PPL: variants seen among roughly 807,000 people sequenced by gnomAD.
The protein encoded by PPL is periplakin.
Under a neutral mutation model 194.4 loss-of-function variants are expected in PPL, and 198 were observed. The observed-to-expected ratio is 1.02, with a 90% CI of 0.91 to 1.15. PPL has a LOEUF of 1.15. Ranked by LOEUF, PPL falls within the 50% of genes most tolerant of loss-of-function variation. The pLI is 0.00. For missense variants in PPL, 2,885 were observed against 2,294.8 expected, an observed-to-expected ratio of 1.26 and a Z score of -5.25; for synonymous variants, 1,220 against 972.4, an observed-to-expected ratio of 1.25 and a Z score of -4.74.
intron 14 of PPL, 111 bp downstream of exon 14, chr16:4,893,102 C>T: frequency 3.8e-6 from 5 of 1,331,722 alleles, no homozygotes; most frequent in Non-Finnish European, 4.9e-6. Flanking sequence ...CCCTGACAGA[C>T]AGCTGCAGTG....
At position 4,900,861 on chromosome 16, in the gene PPL, C is replaced by A. The variant is rs767203015; in HGVS notation, c.575G>T (p.Ser192Ile). 6.2e-7 allele frequency: 1 copy of A among 1,614,152 alleles called. No individual in the cohort carries two copies. The highest frequency in any genetic ancestry group is 1.7e-5 in the Admixed American group (1 of 60,030). The stretch of plus-strand genomic sequence containing the variant: ...TTTCTGGTACTTGGCCCGGAGTTCG[C>A]TGTTCTGCTCCTGAGGACAGAGCCG... ...LAKDGDKEQN[S>I]ELRAKYQKLL... is the part of the protein sequence containing the mutation. Residue 192 changes from serine (S) to isoleucine (I), a missense_variant, in exon 6 of 22, where the codon AGC (serine) becomes ATC (isoleucine). Coordinates refer to ENST00000345988, the MANE Select transcript of PPL (RefSeq NM_002705.5).
At position 4,895,378 on chromosome 16, in the gene PPL, C is replaced by T. The variant is rs767807975; in HGVS notation, c.1125G>A (p.Glu375=). ...GCTTCTGCAGCCCCTGCACCACGTCCTCATACTTGTCCAGCACCTTCTCCT... is the reference window on the plus strand; with the variant it reads ...GCTTCTGCAGCCCCTGCACCACGTCTTCATACTTGTCCAGCACCTTCTCCT... ...DDQEKVLDKY[E]DVVQGLQKRG... is the part of the protein sequence containing the mutation. Residue 375 remains glutamate (E), a synonymous_variant, in exon 11 of 22, where the codon GAG becomes GAA. Transcript: ENST00000345988. 10 of 1,613,316 alleles carry T rather than the reference C, an allele frequency of 6.2e-6. No individual in the cohort carries two copies. The highest frequency in any genetic ancestry group is 1.3e-5 in the African/African-American group (1 of 74,940).
chr16:4,902,605 C>T lies in PPL; in HGVS notation c.318-79G>A, dbSNP rs1031153789. ...CAGGAGGGGCCCCCCACCCAGACCC[C>T]GGCCTCAGTGTCCTGGAAGGACACA... On this transcript the variant is annotated intron_variant, in intron 3 of 21. Transcript: ENST00000345988. This position sits in a 1 kb window ranked among gnomAD's most constrained non-coding sequence, Gnocchi z 4.0. 13 of 1,527,184 alleles carry T rather than the reference C, an allele frequency of 8.5e-6. No individual in the cohort carries two copies. The highest frequency in any genetic ancestry group is 2.5e-5 in the South Asian group (2 of 79,402). The allele number at this position is 1,527,184 out of a possible 1,614,324, so 94.6% of individuals were successfully genotyped here. A position where few individuals can be genotyped will look rare whatever the true frequency, so the allele number is the denominator to read the frequency against.
At chr16:4,895,185 G>A (rs1288311153) in intron 11 of PPL, 76 bp downstream of exon 11, 10 of 1,477,120 alleles carry the variant, frequency 6.8e-6, no homozygotes, top group South Asian at 1.4e-5. Flanking sequence ...TGAGAACGGC[G>A]CCTGAGGCCC....
chr16:4,909,908 G>T (rs2088785131), intron 2 of PPL, among the ~76,000 whole-genome samples: 1 of 152,176 alleles, frequency 6.6e-6, no homozygotes, highest in South Asian at 2.1e-4. Context: ...ATGTAACTGG[G>T]CATCTCATAT....
chr16:4,893,739 GC>G (rs1218387490), intron 12 of PPL, 101 bp from the exon 13 acceptor site: 3 of 933,814 alleles, frequency 3.2e-6, no homozygotes, highest in Non-Finnish European at 3.2e-6. Flanking sequence ...CCCCAGAGGA[GC>G]CTGACAGCTC....
In PPL at chr16:4,893,356, G is replaced by A; in HGVS notation, c.1507C>T (p.Gln503Ter). ...TENPGDASDL[Q>*]GRQLLAGLDK... ...AAGCCAGCCAGCAGCTGCCGCCCCTGTAGGTCAGAGGCATCTGTGGAGGGA... is the reference window on the plus strand; with the variant it reads ...AAGCCAGCCAGCAGCTGCCGCCCCTATAGGTCAGAGGCATCTGTGGAGGGA... Residue 503 changes from glutamine (Q) to a stop codon, truncating the protein, a stop_gained, in exon 14 of 22, where the codon CAG becomes TAG. Transcript: ENST00000345988. LOFTEE classifies it high-confidence loss of function. The A allele has an allele frequency of 1.2e-6, 2 of 1,607,396 alleles. No individual in the cohort carries two copies. Among genetic ancestry groups the A allele is most frequent in the Non-Finnish European group, 1.7e-6 (2 of 1,179,786 alleles).
intron 8 of PPL, 40 bp downstream of exon 8, chr16:4,898,973 G>A (rs2088486961): frequency 1.9e-6 from 3 of 1,574,250 alleles, no homozygotes; most frequent in Non-Finnish European, 1.7e-6. Context: ...CCAACCAGAA[G>A]CCACCCTGGG....
rs564557037 is a variant in PPL at position 4,902,253 on chromosome 16, C to T, written c.438+153G>A. Reference sequence around the variant, plus strand: ...TCGTGCTGCACTTCTCTGAGCCTCACTCTTCTCATGGGCACACTGGAAAAC... The same window carrying T: ...TCGTGCTGCACTTCTCTGAGCCTCATTCTTCTCATGGGCACACTGGAAAAC... On this transcript the variant is annotated intron_variant, in intron 4 of 21. Coordinates refer to ENST00000345988, the MANE Select transcript of PPL (RefSeq NM_002705.5). The surrounding 1 kb of genome is among the most constrained non-coding windows in gnomAD (Gnocchi z 4.0). Among the ~76,000 whole-genome samples, 87 of 152,332 alleles carry T rather than the reference C, an allele frequency of 5.7e-4. No individual in the cohort carries two copies. In the Middle Eastern group the frequency reaches 0.014, roughly 24 times the overall value.
Position 4,895,587 on chromosome 16 carries a change from C to T in PPL, c.1095+7G>A, listed in dbSNP as rs1293575322. 10 of 1,613,652 alleles carry T rather than the reference C, an allele frequency of 6.2e-6. No individual in the cohort carries two copies. The highest frequency in any genetic ancestry group is 3.3e-5 in the Admixed American group (2 of 60,000). On this transcript the variant is annotated splice_region_variant and intron_variant, in intron 10 of 21. Coordinates refer to ENST00000345988, the MANE Select transcript of PPL (RefSeq NM_002705.5). ...CGGGCCAGCAGGGGTCCTGGGCCAT[C>T]GCTCACATCCAGCTCCCGCAGCAGC... is the stretch of plus-strand genomic sequence containing the variant.
At chr16:4,905,519 G>C (rs1045139927) in intron 2 of PPL, among the ~76,000 whole-genome samples, 1 of 152,152 alleles carries the variant, frequency 6.6e-6, no homozygotes, top group East Asian at 1.9e-4. Flanking sequence ...TCATGGGCGT[G>C]GTTCTGCCCC....
intron 9 of PPL, among the ~76,000 whole-genome samples, chr16:4,897,155 C>T (rs777510360): frequency 1.1e-3 from 169 of 151,010 alleles, no homozygotes; most frequent in Non-Finnish European, 1.6e-3. Context: ...ACCAACATGG[C>T]GAAACCCCAT....
intron 18 of PPL, among the ~76,000 whole-genome samples, 198 bp from the exon 19 acceptor site, chr16:4,889,259 T>G (rs1247409871): frequency 2.3e-5 from 3 of 127,766 alleles, no homozygotes; most frequent in African/African-American, 6.0e-5. Context: ...TTTTTTTTTT[T>G]TTTTTTTTTT....
intron 1 of PPL, among the ~76,000 whole-genome samples, chr16:4,927,070 T>A (rs1159889156): frequency 6.6e-6 from 1 of 152,008 alleles, no homozygotes; most frequent in East Asian, 1.9e-4. Context: ...GGCACTATGG[T>A]GGAGTAGGTT....
intron 1 of PPL, among the ~76,000 whole-genome samples, chr16:4,923,750 C>G (rs2089100556): frequency 6.6e-6 from 1 of 152,068 alleles, no homozygotes; most frequent in African/African-American, 2.4e-5. Context: ...GGAATTGATC[C>G]CACTGCAGAG....
intron 14 of PPL, chr16:4,892,965 G>T: frequency 2.2e-6 from 1 of 459,950 alleles, no homozygotes; most frequent in South Asian, 4.7e-5. Flanking sequence ...CATGTGCCAT[G>T]CCAGGCGTCA....
In PPL at chr16:4,893,200, G is replaced by A; in HGVS notation, c.1650+13C>T. 1 of 1,540,438 alleles carries A rather than the reference G, an allele frequency of 6.5e-7. No individual in the cohort carries two copies. ...CTCCCCCGGCCCCACCTGTGCTCCT[G>A]ACCCGCAGGTACCTTGAGGTCCTTG... On this transcript the variant is annotated intron_variant, in intron 14 of 21. Coordinates refer to ENST00000345988, the MANE Select transcript of PPL (RefSeq NM_002705.5).
chr16:4,906,097 G>C (rs2088676302), intron 2 of PPL, among the ~76,000 whole-genome samples: 1 of 152,116 alleles, frequency 6.6e-6, no homozygotes, highest in African/African-American at 2.4e-5. Context: ...GACAGAGCGA[G>C]ACCCTACCTC....
At chr16:4,912,488 C>T (rs1471360225) in intron 1 of PPL, among the ~76,000 whole-genome samples, 2 of 152,268 alleles carry the variant, frequency 1.3e-5, no homozygotes, top group Non-Finnish European at 2.9e-5. Flanking sequence ...TTTGGGCCAT[C>T]GTGAGAATCA....
Sources: allele counts gnomAD v4.1 joint callset (sites outside exome capture counted in the v4.1 genomes callset), GRCh38; gene constraint gnomAD v4.1.1; non-coding constraint Gnocchi (gnomAD v3.1); transcripts MANE v1.5; gene names NCBI Gene and HGNC (gene_info 2026-07-23, HGNC 2026-07-21).